IDO2: variants seen among roughly 807,000 people sequenced by gnomAD.
The protein encoded by IDO2 is indoleamine 2,3-dioxygenase 2.
IDO2 carries 46 observed loss-of-function variants against 45.1 expected under a neutral mutation model. That is an observed-to-expected ratio of 1.02 (90% CI 0.80 to 1.30). IDO2 has a LOEUF of 1.30. Ranked by LOEUF, IDO2 falls within the 50% of genes most tolerant of loss-of-function variation. The probability of loss-of-function intolerance (pLI) is 0.00; values close to 1 mark genes in which losing one functional copy is unlikely to be tolerated. For synonymous variants in IDO2, 218 were observed against 184.9 expected (o/e 1.18, Z -1.45); for missense variants, 544 against 491.8 (o/e 1.11, Z -1.00).
intron 8 of IDO2, among the ~76,000 whole-genome samples, chr8:39,994,828 A>G (rs1306024035): frequency 6.6e-6 from 1 of 152,302 alleles, no homozygotes; most frequent in African/African-American, 2.4e-5. Flanking sequence ...CCTTCAGATT[A>G]ATTAACACCA....
intron 1 of IDO2, among the ~76,000 whole-genome samples, chr8:39,943,571 A>T (rs1344165930): frequency 6.6e-6 from 1 of 151,940 alleles, no homozygotes; most frequent in East Asian, 1.9e-4. Context: ...CCCCGTCTCT[A>T]CTAAAAATAC....
chr8:39,957,354 A>G (rs940452036), intron 2 of IDO2, among the ~76,000 whole-genome samples: 4 of 152,012 alleles, frequency 2.6e-5, no homozygotes, highest in African/African-American at 9.7e-5. Flanking sequence ...GTTCACACCT[A>G]TAATTCCAGC....
chr8:39,953,117 T>A (rs1807835597), intron 2 of IDO2, among the ~76,000 whole-genome samples: 1 of 152,028 alleles, frequency 6.6e-6, no homozygotes, highest in South Asian at 2.1e-4. Context: ...TTGGTCAGGC[T>A]GGTCTTGAAC....
intron 7 of IDO2, 27 bp downstream of exon 7, chr8:39,987,997 T>C: frequency 5.9e-6 from 8 of 1,349,984 alleles, no homozygotes; most frequent in Non-Finnish European, 7.3e-6. Flanking sequence ...TAGCACCTTT[T>C]CTTTTTAAAT....
chr8:39,984,957 AGTCTCCCTCT>A, intron 5 of IDO2: 1 of 425,076 alleles, frequency 2.4e-6, no homozygotes, highest in Non-Finnish European at 4.6e-6. Context: ...TCAGAGACGG[AGTCTCCCTCT>A]GTCTCCCAGG....
At chr8:39,992,090 G>T (rs1801941778) in intron 8 of IDO2, among the ~76,000 whole-genome samples, 1 of 152,188 alleles carries the variant, frequency 6.6e-6, no homozygotes, top group East Asian at 1.9e-4. Flanking sequence ...TCTAAAGATG[G>T]CCCCATGCCA....
intron 10 of IDO2, 33 bp downstream of exon 10, chr8:40,013,746 A>G: frequency 1.4e-6 from 2 of 1,453,952 alleles, no homozygotes; most frequent in Admixed American, 2.7e-5. Flanking sequence ...CCTTGAGAGT[A>G]GAGGGAGGAA....
At chr8:39,936,035 C>T (rs888835351) in intron 1 of IDO2, among the ~76,000 whole-genome samples, 1 of 152,128 alleles carries the variant, frequency 6.6e-6, no homozygotes, top group African/African-American at 2.4e-5. Context: ...GATATTATTA[C>T]AATGTATTAT....
exon 11 of IDO2, chr8:40,016,147 G>C: frequency 2.5e-6 from 1 of 395,416 alleles, no homozygotes; most frequent in South Asian, 1.3e-4. Context: ...ATAAGGACTT[G>C]GAAGTCACTA....
chr8:40,005,264 T>G, intron 8 of IDO2, 63 bp from the exon 9 acceptor site: 2 of 1,160,636 alleles, frequency 1.7e-6, no homozygotes, highest in Non-Finnish European at 2.5e-6. Flanking sequence ...GCAGGGCCCA[T>G]GCACATGTAA....
At chr8:39,953,756 G>A (rs1183598485) in intron 2 of IDO2, among the ~76,000 whole-genome samples, 1 of 152,046 alleles carries the variant, frequency 6.6e-6, no homozygotes, top group East Asian at 1.9e-4. Flanking sequence ...TAGTAGACGG[G>A]GTTTCGCCAT....
At chr8:39,968,530 A>G (rs1428324156) in intron 3 of IDO2, among the ~76,000 whole-genome samples, 3 of 152,236 alleles carry the variant, frequency 2.0e-5, no homozygotes, top group Admixed American at 6.5e-5. Flanking sequence ...AAAATAAACC[A>G]GAAAATTGGG....
chr8:39,995,352 C>T (rs1423910850), intron 8 of IDO2: 2 of 149,250 alleles, frequency 1.3e-5, no homozygotes, highest in East Asian at 3.9e-4. Context: ...GTGATCTCGG[C>T]TCACTGCAAC....
intron 9 of IDO2, among the ~76,000 whole-genome samples, chr8:40,006,788 G>A (rs1306334278): frequency 6.6e-6 from 1 of 152,048 alleles, no homozygotes; most frequent in Non-Finnish European, 1.5e-5. Context: ...AGCCTCCCGA[G>A]TAGCTGCGAT....
At chr8:39,968,781 G>C (rs1431970406) in intron 3 of IDO2, among the ~76,000 whole-genome samples, 2 of 151,756 alleles carry the variant, frequency 1.3e-5, no homozygotes, top group Non-Finnish European at 2.9e-5. Context: ...AAACCTAGAT[G>C]ATGGGTTGAC....
At chr8:39,964,390 A>C (rs1808050659) in intron 3 of IDO2, among the ~76,000 whole-genome samples, 1 of 152,222 alleles carries the variant, frequency 6.6e-6, no homozygotes, top group Admixed American at 6.5e-5. Flanking sequence ...GAAGTAAATC[A>C]CTTTCAAAGT....
chr8:39,996,539 C>T (rs1431924956), intron 8 of IDO2, among the ~76,000 whole-genome samples: 1 of 152,024 alleles, frequency 6.6e-6, no homozygotes, highest in Admixed American at 6.6e-5. Context: ...CACTACTGGT[C>T]TCCGCATCTT....
intron 9 of IDO2, among the ~76,000 whole-genome samples, chr8:40,012,734 A>C (rs1478407009): frequency 6.6e-6 from 1 of 151,990 alleles, no homozygotes; most frequent in Non-Finnish European, 1.5e-5. Context: ...AAGGAGAGGA[A>C]AGGTGGGGAG....
chr8:39,987,896 C>T (rs752076671), exon 7 of IDO2: 1 of 1,610,538 alleles, frequency 6.2e-7, no homozygotes. Flanking sequence ...CATCTCATTT[C>T]CTGGGGGAGA....
Sources: gnomAD v4.1 joint callset for allele counts (sites outside exome capture counted in the v4.1 genomes callset) on GRCh38, gnomAD v4.1.1 for gene constraint, MANE v1.5 for transcripts, NCBI Gene and HGNC (gene_info 2026-07-23, HGNC 2026-07-21) for gene names.